Variants in SPOCK1 observed in about 807,000 individuals in gnomAD.
SPOCK1 encodes testican-1.
In SPOCK1, 23 loss-of-function variants were observed where a neutral mutation model predicts 55.3. The ratio of observed to expected loss-of-function variants is 0.42; its 90% CI spans 0.30 to 0.59. The LOEUF (loss-of-function observed/expected upper bound fraction) is 0.59, where lower values mean the gene tolerates loss of function less well. Among genes scored for constraint, SPOCK1 ranks in the 20% least tolerant of loss-of-function variants. The pLI, the probability that SPOCK1 is intolerant of heterozygous loss-of-function variation, is 0.22. For missense variants in SPOCK1, 499 were observed against 552.5 expected (o/e 0.90, Z 0.97); for synonymous variants, 226 against 221.0 (o/e 1.02, Z -0.20).
intron 3 of SPOCK1, among the ~76,000 whole-genome samples, chr5:137,190,266 C>A (rs1016126309): frequency 1.3e-5 from 2 of 152,090 alleles, no homozygotes; most frequent in Admixed American, 6.5e-5. Context: ...ACAGAGAATT[C>A]TTTTGTGAAA....
At chr5:137,377,331 G>A (rs1261920434) in intron 2 of SPOCK1, among the ~76,000 whole-genome samples, 2 of 152,162 alleles carry the variant, frequency 1.3e-5, no homozygotes, top group Non-Finnish European at 2.9e-5. Flanking sequence ...ATTTGTGTGG[G>A]GAAAGACAGG....
chr5:137,038,552 A>G (rs545520651), intron 6 of SPOCK1, among the ~76,000 whole-genome samples: 48 of 152,346 alleles, frequency 3.2e-4, no homozygotes, highest in African/African-American at 1.1e-3. Context: ...CAAAGGGAAT[A>G]ACTACTTAAT....
At chr5:137,128,649 G>GT (rs1330459363) in intron 4 of SPOCK1, among the ~76,000 whole-genome samples, 1 of 152,192 alleles carries the variant, frequency 6.6e-6, no homozygotes, top group African/African-American at 2.4e-5. Flanking sequence ...CACTGCCCTG[G>GT]TCCCCCAGCT....
At chr5:137,003,754 A>C (rs760783424) in intron 6 of SPOCK1, among the ~76,000 whole-genome samples, 16 of 152,198 alleles carry the variant, frequency 1.1e-4, no homozygotes, top group Non-Finnish European at 5.9e-5. Flanking sequence ...TTTACACTTA[A>C]ACATGAGGTA....
chr5:137,018,293 G>A (rs2126978556), intron 6 of SPOCK1, among the ~76,000 whole-genome samples: 1 of 152,350 alleles, frequency 6.6e-6, no homozygotes, highest in East Asian at 1.9e-4. Flanking sequence ...ACTAAGTGGG[G>A]ACCAGTCAGG....
At chr5:137,038,688 G>A (rs907252799) in intron 6 of SPOCK1, among the ~76,000 whole-genome samples, 3 of 152,150 alleles carry the variant, frequency 2.0e-5, no homozygotes, top group African/African-American at 7.2e-5. Flanking sequence ...ACAATGACAT[G>A]AGCCAAGGAA....
At chr5:137,372,331 A>C (rs1382446438) in intron 2 of SPOCK1, among the ~76,000 whole-genome samples, 1 of 152,218 alleles carries the variant, frequency 6.6e-6, no homozygotes, top group African/African-American at 2.4e-5. Context: ...TGAACCCCAC[A>C]TTCTGCCAAC....
chr5:137,422,893 G>GT (rs1465053402), intron 2 of SPOCK1, among the ~76,000 whole-genome samples: 1 of 152,174 alleles, frequency 6.6e-6, no homozygotes, highest in Non-Finnish European at 1.5e-5. Context: ...TTTCTGCTCT[G>GT]TTTTTTCCCC....
chr5:137,193,840 C>T (rs1346335183), intron 3 of SPOCK1, among the ~76,000 whole-genome samples: 1 of 152,144 alleles, frequency 6.6e-6, no homozygotes, highest in Non-Finnish European at 1.5e-5. Context: ...AGAGAAGTTA[C>T]ATTAGCGGTA....
chr5:137,321,595 G>A (rs760030353), intron 2 of SPOCK1, among the ~76,000 whole-genome samples: 122 of 152,210 alleles, frequency 8.0e-4, no homozygotes, highest in Non-Finnish European at 1.6e-3. Flanking sequence ...GAAAAAAAAG[G>A]GCCAGGGCGG....
At chr5:137,143,513 C>G (rs749141954) in intron 3 of SPOCK1, among the ~76,000 whole-genome samples, 2 of 152,144 alleles carry the variant, frequency 1.3e-5, no homozygotes, top group Admixed American at 1.3e-4. Flanking sequence ...GCTTGCTAAC[C>G]TTGCTATACC....
chr5:137,303,486 A>G (rs1319202686), intron 2 of SPOCK1, among the ~76,000 whole-genome samples: 1 of 152,228 alleles, frequency 6.6e-6, no homozygotes, highest in African/African-American at 2.4e-5. Flanking sequence ...TAAGTGGCAG[A>G]ACCAGGATTT....
intron 2 of SPOCK1, among the ~76,000 whole-genome samples, chr5:137,309,615 C>A (rs1179858092): frequency 5.3e-5 from 8 of 152,192 alleles, no homozygotes; most frequent in Admixed American, 5.2e-4. Flanking sequence ...GCGCTATAAC[C>A]TGATTCTCAC....
chr5:137,443,826 A>G (rs777835199), intron 2 of SPOCK1, among the ~76,000 whole-genome samples: 6 of 151,712 alleles, frequency 4.0e-5, no homozygotes, highest in Non-Finnish European at 5.9e-5. Context: ...CTGTCCCTCT[A>G]TCCTCTCCCC....
chr5:137,385,897 T>A (rs1027144259), intron 2 of SPOCK1, among the ~76,000 whole-genome samples: 1 of 152,214 alleles, frequency 6.6e-6, no homozygotes, highest in Non-Finnish European at 1.5e-5. Context: ...CTGGGCCATA[T>A]GGTCTCTGTT....
At chr5:137,237,981 T>G (rs547047287) in intron 3 of SPOCK1, among the ~76,000 whole-genome samples, 1 of 152,306 alleles carries the variant, frequency 6.6e-6, no homozygotes, top group South Asian at 2.1e-4. Flanking sequence ...ATCATGGTGG[T>G]TGAGAATATG....
At chr5:136,995,610 A>G (rs940322783) in intron 6 of SPOCK1, among the ~76,000 whole-genome samples, 49 of 152,224 alleles carry the variant, frequency 3.2e-4, no homozygotes, top group Non-Finnish European at 1.6e-4. Context: ...CGCACCATCT[A>G]TTCTAAATGT....
intron 5 of SPOCK1, among the ~76,000 whole-genome samples, chr5:137,107,820 G>A (rs899036002): frequency 1.1e-4 from 17 of 152,122 alleles, no homozygotes; most frequent in Admixed American, 7.2e-4. Flanking sequence ...CAGCTGCCCC[G>A]GTGATGCTCA....
intron 2 of SPOCK1, among the ~76,000 whole-genome samples, chr5:137,286,589 G>A (rs1757271286): frequency 6.6e-6 from 1 of 152,150 alleles, no homozygotes; most frequent in African/African-American, 2.4e-5. Context: ...GTACCTCCCA[G>A]GGAGGCAGAA....
Sources: allele counts gnomAD v4.1 joint callset (sites outside exome capture counted in the v4.1 genomes callset), GRCh38; gene constraint gnomAD v4.1.1; transcripts MANE v1.5; gene names NCBI Gene and HGNC (gene_info 2026-07-23, HGNC 2026-07-21).